FHIT: variants seen among roughly 807,000 people sequenced by gnomAD.
FHIT encodes fragile histidine triad diadenosine triphosphatase.
FHIT carries 19 observed loss-of-function variants against 17.9 expected under a neutral mutation model. That is an observed-to-expected ratio of 1.06 (90% CI 0.74 to 1.56). The LOEUF (loss-of-function observed/expected upper bound fraction) is 1.56, where lower values mean the gene tolerates loss of function less well. FHIT is among the 40% of genes most tolerant of loss of function. FHIT has a pLI of 0.00. For missense variants in FHIT, 248 were observed against 189.2 expected, an observed-to-expected ratio of 1.31 and a Z score of -1.82; for synonymous variants, 81 against 69.7, an observed-to-expected ratio of 1.16 and a Z score of -0.81.
chr3:60,124,826 C>T (rs1705467103), intron 5 of FHIT, among the ~76,000 whole-genome samples: 1 of 152,104 alleles, frequency 6.6e-6, no homozygotes, highest in Admixed American at 6.5e-5. Context: ...CGACTTTGCT[C>T]CCCCAATTTG....
intron 4 of FHIT, among the ~76,000 whole-genome samples, chr3:60,559,144 G>A (rs1260157862): frequency 2.0e-5 from 3 of 152,110 alleles, no homozygotes; most frequent in Non-Finnish European, 2.9e-5. Flanking sequence ...ATAGATTTGT[G>A]TTAGTAAATG....
At chr3:61,143,083 C>T (rs1225663375) in intron 2 of FHIT, among the ~76,000 whole-genome samples, 2 of 151,936 alleles carry the variant, frequency 1.3e-5, no homozygotes, top group East Asian at 3.9e-4. Flanking sequence ...TTAATAATAG[C>T]CTTACAAATT....
chr3:60,438,048 G>C (rs187551197), intron 5 of FHIT, among the ~76,000 whole-genome samples: 60 of 152,074 alleles, frequency 3.9e-4, no homozygotes, highest in African/African-American at 1.4e-3. Context: ...ATTACATGAG[G>C]CAGGATAAGT....
intron 2 of FHIT, among the ~76,000 whole-genome samples, chr3:61,181,114 T>C (rs1461548143): frequency 6.6e-6 from 1 of 152,158 alleles, no homozygotes; most frequent in Non-Finnish European, 1.5e-5. Flanking sequence ...ACAAATCACA[T>C]ATTGGGGACA....
chr3:59,815,214 GC>G (rs1240855363), intron 8 of FHIT, among the ~76,000 whole-genome samples: 5 of 152,014 alleles, frequency 3.3e-5, no homozygotes, highest in Admixed American at 1.3e-4. Context: ...TTGGCCTGGA[GC>G]TGCAGCCCAG....
At chr3:61,163,208 C>A (rs1484618173) in intron 2 of FHIT, among the ~76,000 whole-genome samples, 2 of 152,114 alleles carry the variant, frequency 1.3e-5, no homozygotes, top group African/African-American at 4.8e-5. Flanking sequence ...ACAATTATAG[C>A]CTCCATAAAC....
intron 8 of FHIT, among the ~76,000 whole-genome samples, chr3:59,917,047 C>G (rs1967997): frequency 0.93 from 141,123 of 152,300 alleles, 66,229 homozygotes; most frequent in East Asian, 1. Flanking sequence ...TTGTCAAATG[C>G]CGTGTGAAAG....
chr3:60,607,078 A>C (rs2038631911), intron 4 of FHIT, among the ~76,000 whole-genome samples: 1 of 152,204 alleles, frequency 6.6e-6, no homozygotes, highest in East Asian at 1.9e-4. Context: ...GTTCTCTATT[A>C]CTAGTGTCTG....
chr3:60,209,931 T>C (rs924375213), intron 5 of FHIT, among the ~76,000 whole-genome samples: 3 of 151,738 alleles, frequency 2.0e-5, no homozygotes, highest in Admixed American at 6.6e-5. Context: ...ACAGGGCCTG[T>C]TGGGGGTGGA....
At chr3:60,114,442 C>G (rs78865915) in intron 5 of FHIT, among the ~76,000 whole-genome samples, 1 of 143,232 alleles carries the variant, frequency 7.0e-6, no homozygotes, top group Non-Finnish European at 1.5e-5. Context: ...ATTGTACACA[C>G]TAATACACAG....
intron 4 of FHIT, among the ~76,000 whole-genome samples, chr3:60,603,877 A>G (rs2038523705): frequency 6.6e-6 from 1 of 152,064 alleles, no homozygotes; most frequent in South Asian, 2.1e-4. Context: ...AGTACCTAAC[A>G]TTTCCTGAGC....
At chr3:60,734,072 A>G (rs72876944) in intron 4 of FHIT, among the ~76,000 whole-genome samples, 2,779 of 152,314 alleles carry the variant, frequency 0.018, 95 homozygotes, top group African/African-American at 0.063. Context: ...CCAATCCTAC[A>G]AACTTTCAGC....
At chr3:60,819,883 A>C (rs1419783474) in intron 4 of FHIT, among the ~76,000 whole-genome samples, 1 of 152,220 alleles carries the variant, frequency 6.6e-6, no homozygotes, top group Non-Finnish European at 1.5e-5. Context: ...GAGAAAATAG[A>C]AGTCTTTCTA....
At chr3:59,839,192 C>T (rs1398592313) in intron 8 of FHIT, among the ~76,000 whole-genome samples, 1 of 151,906 alleles carries the variant, frequency 6.6e-6, no homozygotes, top group African/African-American at 2.4e-5. Flanking sequence ...GTGGTACATG[C>T]CTGTAATCCC....
intron 3 of FHIT, among the ~76,000 whole-genome samples, chr3:60,852,094 G>T (rs185670447): frequency 3.9e-5 from 6 of 152,102 alleles, no homozygotes; most frequent in Non-Finnish European, 8.8e-5. Context: ...CCTAATGTGT[G>T]TGGACTTCAT....
At chr3:60,672,557 C>T (rs2040530598) in intron 4 of FHIT, among the ~76,000 whole-genome samples, 1 of 152,158 alleles carries the variant, frequency 6.6e-6, no homozygotes, top group South Asian at 2.1e-4. Context: ...GGCATATTCA[C>T]TTCTTTTGTG....
At chr3:59,786,783 C>T (rs1559604808) in intron 8 of FHIT, among the ~76,000 whole-genome samples, 1 of 152,238 alleles carries the variant, frequency 6.6e-6, no homozygotes, top group Non-Finnish European at 1.5e-5. Flanking sequence ...ATACAGTCTC[C>T]CCATGTAGTC....
intron 2 of FHIT, among the ~76,000 whole-genome samples, chr3:61,138,186 A>T (rs1246420369): frequency 6.6e-6 from 1 of 152,224 alleles, no homozygotes; most frequent in African/African-American, 2.4e-5. Context: ...TACCTAGTCT[A>T]TCTACAAATA....
intron 4 of FHIT, among the ~76,000 whole-genome samples, chr3:60,555,593 C>T (rs2036713702): frequency 6.6e-6 from 1 of 152,194 alleles, no homozygotes; most frequent in Non-Finnish European, 1.5e-5. Flanking sequence ...GTTTTCTCTT[C>T]ATCGTTTTTT....
Sources: gnomAD v4.1 joint callset for allele counts (sites outside exome capture counted in the v4.1 genomes callset) on GRCh38, gnomAD v4.1.1 for gene constraint, MANE v1.5 for transcripts, NCBI Gene and HGNC (gene_info 2026-07-23, HGNC 2026-07-21) for gene names.